Variants in ASXL1 observed in about 807,000 individuals in gnomAD.
ASXL1 encodes ASXL transcriptional regulator 1, also known as polycomb group protein ASXL1.
ASXL1 carries 65 observed loss-of-function variants against 89.1 expected under a neutral mutation model. The ratio of observed to expected loss-of-function variants is 0.73; its 90% CI spans 0.60 to 0.90. The LOEUF (loss-of-function observed/expected upper bound fraction) is 0.90. Ranked by LOEUF, ASXL1 falls within the 40% of genes least tolerant of loss-of-function variation. ASXL1 has a pLI of 0.00. For missense variants in ASXL1, 1,786 were observed against 1,942.9 expected (o/e 0.92, Z 1.52); for synonymous variants, 739 against 746.9 (o/e 0.99, Z 0.17).
chr20:32,426,247 G>A (rs2123195739), intron 4 of ASXL1, among the ~76,000 whole-genome samples: 1 of 152,250 alleles, frequency 6.6e-6, no homozygotes, highest in African/African-American at 2.4e-5. Context: ...TCCGTTGGCA[G>A]CATGTGAACC....
chr20:32,415,261 A>C (rs1203347693), intron 4 of ASXL1, among the ~76,000 whole-genome samples: 3 of 152,034 alleles, frequency 2.0e-5, no homozygotes, highest in Non-Finnish European at 2.9e-5. Context: ...TTCCTGCCTC[A>C]GCCTCCCAAA....
At position 32,371,901 on chromosome 20, in the gene ASXL1, A is replaced by G. The variant is rs2424879; in HGVS notation, c.252+2778A>G. 0.37 allele frequency: 136,250 copies of G among 370,280 alleles called. 29,257 individuals carry two copies. Among genetic ancestry groups the G allele is most frequent in the Middle Eastern group, 0.53 (1,305 of 2,472 alleles). 22.9% of individuals were successfully genotyped at this position (370,280 alleles called of 1,614,324 possible). On this transcript the variant is annotated intron_variant, in intron 4 of 12. Transcript: ENST00000375687. ...TGTGAGCAACCATACCTGGCCCTCT[A>G]TTATCTCATATATAGCTTATTGTTA...
At chr20:32,431,114 A>T in intron 8 of ASXL1, 1 of 712,854 alleles carries the variant, frequency 1.4e-6, no homozygotes, top group Non-Finnish European at 2.5e-6. Flanking sequence ...GTCTGAGGAG[A>T]TGCAACCCCA....
intron 8 of ASXL1, chr20:32,430,428 G>A (rs779005656): frequency 5.9e-5 from 16 of 269,670 alleles, no homozygotes; most frequent in South Asian, 3.4e-4. Context: ...CCCAACATCT[G>A]TAGTCTGTAT....
rs886056590 is a variant in ASXL1 at position 32,358,617 on chromosome 20, G to C, written c.-159G>C. On this transcript the variant is annotated 5_prime_UTR_variant, in exon 1 of 13. Transcript: ENST00000375687. ...GCCGCTCTCGCGCCAGCCGGTCCCC[G>C]CGTGCCCGCCCCTTCTCCCCGGCCG... The C allele has an allele frequency of 4.8e-4, 89 of 187,364 alleles. 1 individual carries two copies. The highest frequency in any genetic ancestry group is 3.7e-3 in the East Asian group (33 of 9,028). The allele number at this position is 187,364 out of a possible 1,614,324, so 11.6% of individuals were successfully genotyped here. A position where few individuals can be genotyped will look rare whatever the true frequency, so the allele number is the denominator to read the frequency against.
At chr20:32,381,178 G>T (rs924209147) in intron 4 of ASXL1, among the ~76,000 whole-genome samples, 2 of 152,240 alleles carry the variant, frequency 1.3e-5, no homozygotes, top group Non-Finnish European at 2.9e-5. Flanking sequence ...AGCTGGCTTC[G>T]GTAGTAGAAG....
intron 4 of ASXL1, among the ~76,000 whole-genome samples, chr20:32,398,921 A>T (rs2048820048): frequency 6.7e-6 from 1 of 149,088 alleles, no homozygotes; most frequent in African/African-American, 2.5e-5. Context: ...GTTTTGTTTT[A>T]GTAAGATACT....
chr20:32,376,540 T>C (rs1394842341), intron 4 of ASXL1, among the ~76,000 whole-genome samples: 2 of 151,252 alleles, frequency 1.3e-5, no homozygotes, highest in East Asian at 2.0e-4. Flanking sequence ...CCCCCCAAAG[T>C]GTTGGGATTA....
chr20:32,379,161 C>CTTTTTTTTTTTTTTTTTTTTTTT, intron 4 of ASXL1, among the ~76,000 whole-genome samples: 1 of 61,760 alleles, frequency 1.6e-5, no homozygotes, highest in Non-Finnish European at 2.8e-5. Context: ...TAACTTCAGT[C>CTTTTTTTTTTTTTTTTTTTTTTT]TTTTTTTTTT....
chr20:32,389,845 G>A (rs1454007335), intron 4 of ASXL1, among the ~76,000 whole-genome samples: 1 of 152,210 alleles, frequency 6.6e-6, no homozygotes, highest in Admixed American at 6.5e-5. Context: ...TGGGATTAGA[G>A]GTATGAGCCA....
chr20:32,359,360 C>T (rs981036990), intron 1 of ASXL1: 2 of 702,570 alleles, frequency 2.8e-6, no homozygotes. Context: ...CAAGTGCTTA[C>T]TCCCAGCTTG....
chr20:32,359,161 G>C (rs927009102), intron 1 of ASXL1: 1 of 671,078 alleles, frequency 1.5e-6, no homozygotes, highest in African/African-American at 1.8e-5. Context: ...GCGTCTGGGG[G>C]TCTGGGGCAG....
chr20:32,435,833 GC>G lies in ASXL1; in HGVS notation c.3125del (p.Pro1042HisfsTer5). On this transcript the variant is annotated frameshift_variant, in exon 13 of 13. Transcript: ENST00000375687. LOFTEE classifies it low-confidence loss of function (END_TRUNC). The part of the protein sequence containing the change: ...KDEKPNWNQS[A>X]PLSKVNGDMR... ...TGAGAAACCCAATTGGAACCAATCT[GC>G]CCCACTGTCCAAGGTGAATGGTGAC... is the stretch of plus-strand genomic sequence containing the variant. 6.2e-7 allele frequency: 1 copy of G among 1,614,162 alleles called. No individual in the cohort carries two copies. Among genetic ancestry groups the G allele is most frequent in the Non-Finnish European group, 8.5e-7 (1 of 1,180,026 alleles).
In ASXL1 at chr20:32,432,876, C is replaced by G. The variant is rs1265686455; in HGVS notation, c.980-4C>G. The G allele has an allele frequency of 6.2e-7, 1 of 1,613,604 alleles. No individual in the cohort carries two copies. Among genetic ancestry groups the G allele is most frequent in the East Asian group, 2.2e-5 (1 of 44,870 alleles). ...CTTACTAGAAGAGGTTTATTTCTCC[C>G]TAGGTGAATTTACTCATGAGATGCA... On this transcript the variant is annotated splice_polypyrimidine_tract_variant and splice_region_variant and intron_variant, in intron 10 of 12. Coordinates refer to ENST00000375687, the MANE Select transcript of ASXL1 (RefSeq NM_015338.6).
At chr20:32,369,317 C>T (rs752980255) in intron 4 of ASXL1, among the ~76,000 whole-genome samples, 194 bp downstream of exon 4, 3 of 151,770 alleles carry the variant, frequency 2.0e-5, no homozygotes, top group Non-Finnish European at 2.9e-5. Flanking sequence ...GGCGAGATCT[C>T]GGCTCACTGC....
intron 4 of ASXL1, among the ~76,000 whole-genome samples, chr20:32,377,123 TTAATA>T (rs546521963): frequency 3.1e-4 from 32 of 104,040 alleles, no homozygotes; most frequent in African/African-American, 8.0e-4. Flanking sequence ...AATAGATATA[TTAATA>T]TAATATATAT....
At chr20:32,411,097 A>AT (rs1211781825) in intron 4 of ASXL1, among the ~76,000 whole-genome samples, 3,324 of 124,400 alleles carry the variant, frequency 0.027, 121 homozygotes, top group African/African-American at 0.087. Flanking sequence ...TCAAGTGGTG[A>AT]TTTTTTTTTT....
chr20:32,407,299 G>A (rs967768099), intron 4 of ASXL1, among the ~76,000 whole-genome samples: 6 of 151,516 alleles, frequency 4.0e-5, no homozygotes, highest in East Asian at 1.9e-4. Context: ...AGCTGAGATC[G>A]TGCCACTGCT....
chr20:32,369,059 A>G lies in ASXL1; in HGVS notation c.188A>G (p.Asn63Ser). ...TGCCTCAATGCTATGCTACATTCCA[A>G]TTCAAGAGGAGGAGAGGGGTTGTTT... ...LACLNAMLHS[N>S]SRGGEGLFYK... Residue 63 changes from asparagine (N) to serine (S), a missense_variant, in exon 4 of 13, where the codon AAT becomes AGT. By Grantham distance (46) the Asn-to-Ser change is conservative. Around this residue, in one of 3 missense-constraint regions of ASXL1, gnomAD observed 332 missense variants for 449.7 expected, o/e 0.74. Coordinates refer to ENST00000375687, the MANE Select transcript of ASXL1 (RefSeq NM_015338.6). The G allele has an allele frequency of 6.2e-7, 1 of 1,614,068 alleles. No individual in the cohort carries two copies. Among genetic ancestry groups the G allele is most frequent in the Non-Finnish European group, 8.5e-7 (1 of 1,180,000 alleles).
Sources: gnomAD v4.1 joint callset for allele counts (sites outside exome capture counted in the v4.1 genomes callset) on GRCh38, gnomAD v4.1.1 for gene constraint, gnomAD v4.1.1 regional missense constraint, MANE v1.5 for transcripts, NCBI Gene and HGNC (gene_info 2026-07-23, HGNC 2026-07-21) for gene names.